EYS: variants seen among roughly 807,000 people sequenced by gnomAD.
EYS encodes the protein protein eyes shut homolog.
EYS carries 250 observed loss-of-function variants against 282.1 expected under a neutral mutation model. The ratio of observed to expected loss-of-function variants is 0.89; its 90% CI spans 0.80 to 0.98. The LOEUF is 0.98. Among genes scored for constraint, EYS ranks in the 50% least tolerant of loss-of-function variants. The pLI is 0.00. For missense variants in EYS, 4,016 were observed against 3,709.0 expected (o/e 1.08, Z -2.15); for synonymous variants, 1,355 against 1,282.9 (o/e 1.06, Z -1.20).
At position 65,655,330 on chromosome 6, in the gene EYS, G is replaced by GA. The variant is rs1767783628; in HGVS notation, c.-447-15439dup. 2.0e-5 allele frequency among the ~76,000 whole-genome samples: 3 copies of GA among 151,476 alleles called. No homozygotes were observed. In the South Asian group the frequency reaches 6.2e-4, roughly 31 times the overall value. Reference sequence around the variant, plus strand: ...AAAGAATATAGTATGAAAATGAGGGGAAAAATAACATCTGTACAATCAAGA... The same window carrying GA: ...AAAGAATATAGTATGAAAATGAGGGGAAAAAATAACATCTGTACAATCAAGA... On this transcript the variant is annotated intron_variant, in intron 1 of 42. Transcript: ENST00000503581.
At chr6:65,457,333 T>C (rs752329268) in intron 5 of EYS, among the ~76,000 whole-genome samples, 3 of 152,044 alleles carry the variant, frequency 2.0e-5, no homozygotes, top group Non-Finnish European at 4.4e-5. Context: ...CTCAGCTAAT[T>C]CTTTTTTTTT....
chr6:65,210,272 CTT>C (rs1298665501), intron 12 of EYS, among the ~76,000 whole-genome samples: 1 of 151,910 alleles, frequency 6.6e-6, no homozygotes, highest in Non-Finnish European at 1.5e-5. Context: ...ATGTTTCAGT[CTT>C]GACTCTTGTG....
At chr6:65,115,494 A>G (rs1201628661) in intron 12 of EYS, among the ~76,000 whole-genome samples, 1 of 152,064 alleles carries the variant, frequency 6.6e-6, no homozygotes, top group Non-Finnish European at 1.5e-5. Context: ...TAACAGACCT[A>G]TCACATGCTT....
At chr6:64,089,428 A>G (rs1302273847) in intron 31 of EYS, among the ~76,000 whole-genome samples, 1 of 149,564 alleles carries the variant, frequency 6.7e-6, no homozygotes, top group African/African-American at 2.4e-5. Context: ...ATTTTCAGTG[A>G]TTACAATTAA....
intron 11 of EYS, among the ~76,000 whole-genome samples, chr6:65,334,288 G>T (rs1028792498): frequency 6.6e-6 from 1 of 151,556 alleles, no homozygotes. Flanking sequence ...TCATGATAGG[G>T]TCTCACTCTG....
chr6:65,213,227 CGAT>C lies in EYS; in HGVS notation c.2023+82633_2023+82635del, dbSNP rs746680773. ...CATGGAAAAGTGGTTCTGACAGAAT[CGAT>C]GAACTGTCATCCGTGTGCGCACCTG... is the stretch of plus-strand genomic sequence containing the variant. On this transcript the variant is annotated intron_variant, in intron 12 of 42. Coordinates refer to ENST00000503581, the MANE Select transcript of EYS (RefSeq NM_001142800.2). Among the ~76,000 whole-genome samples, 4 of 152,124 alleles carry C rather than the reference CGAT, an allele frequency of 2.6e-5. No individual in the cohort carries two copies. In the East Asian group the frequency reaches 7.7e-4, roughly 29 times the overall value.
intron 2 of EYS, among the ~76,000 whole-genome samples, chr6:65,596,305 TG>T (rs1311990458): frequency 6.7e-6 from 1 of 148,408 alleles, no homozygotes; most frequent in Non-Finnish European, 1.5e-5. Context: ...ACACTTCATT[TG>T]GGGATAAATT....
At chr6:65,561,258 T>G (rs1240964603) in intron 2 of EYS, among the ~76,000 whole-genome samples, 3 of 152,120 alleles carry the variant, frequency 2.0e-5, no homozygotes, top group Non-Finnish European at 4.4e-5. Flanking sequence ...TCATGTAAGC[T>G]CTACTATTAA....
intron 31 of EYS, among the ~76,000 whole-genome samples, chr6:64,137,347 A>G (rs1367854305): frequency 1.3e-5 from 2 of 152,122 alleles, no homozygotes; most frequent in African/African-American, 2.4e-5. Context: ...GGGGTGTTCA[A>G]TGGAGTAGCA....
At chr6:65,508,691 TTTC>T (rs1467700499) in intron 2 of EYS, among the ~76,000 whole-genome samples, 2 of 151,404 alleles carry the variant, frequency 1.3e-5, no homozygotes, top group African/African-American at 4.9e-5. Context: ...GAAAGAAATG[TTTC>T]TTCTTATATG....
intron 24 of EYS, among the ~76,000 whole-genome samples, chr6:64,600,710 G>A (rs1766736030): frequency 1.3e-5 from 2 of 152,120 alleles, no homozygotes; most frequent in South Asian, 4.1e-4. Context: ...CCACTGAATG[G>A]CCGGGGCTAA....
In EYS at chr6:65,232,102, A is replaced by G. The variant is rs151232810; in HGVS notation, c.2023+63761T>C. ...TAGAAGATATGATACATTATATTAT[A>G]TACAGTTTCTTCAGCCTTCTCTTTT... On this transcript the variant is annotated intron_variant, in intron 12 of 42. Coordinates refer to ENST00000503581, the MANE Select transcript of EYS (RefSeq NM_001142800.2). 9.7e-4 allele frequency among the ~76,000 whole-genome samples: 147 copies of G among 152,176 alleles called. 1 individual carries two copies. Among genetic ancestry groups the G allele is most frequent in the African/African-American group, 3.4e-3 (140 of 41,566 alleles).
intron 36 of EYS, among the ~76,000 whole-genome samples, chr6:63,844,779 A>G (rs1362933740): frequency 2.6e-5 from 4 of 152,202 alleles, no homozygotes; most frequent in South Asian, 4.1e-4. Flanking sequence ...AGATGGATAG[A>G]TTGCAAAAAT....
chr6:64,567,765 C>T (rs531623113), intron 26 of EYS, among the ~76,000 whole-genome samples: 89 of 152,128 alleles, frequency 5.9e-4, no homozygotes, highest in African/African-American at 2.0e-3. Context: ...TTTACAAAAG[C>T]GGTATCTTAA....
chr6:65,096,927 C>T (rs1774756377), intron 12 of EYS, among the ~76,000 whole-genome samples: 1 of 150,910 alleles, frequency 6.6e-6, no homozygotes, highest in African/African-American at 2.4e-5. Flanking sequence ...AAGCTCTTGA[C>T]ATTGGCCCTA....
chr6:65,065,020 G>T (rs970814692), intron 12 of EYS, among the ~76,000 whole-genome samples: 1 of 152,108 alleles, frequency 6.6e-6, no homozygotes, highest in South Asian at 2.1e-4. Context: ...GTGGCAGGCT[G>T]ACTTGAGATC....
intron 12 of EYS, among the ~76,000 whole-genome samples, chr6:65,209,263 TA>T (rs1204175592): frequency 1.3e-5 from 2 of 151,652 alleles, no homozygotes; most frequent in African/African-American, 4.8e-5. Flanking sequence ...TTTTTTTTTT[TA>T]ATTTTTACTT....
chr6:64,920,112 C>G (rs980322530), intron 15 of EYS, among the ~76,000 whole-genome samples: 5 of 151,118 alleles, frequency 3.3e-5, no homozygotes, highest in African/African-American at 1.2e-4. Flanking sequence ...AATACAGAAA[C>G]CATGAGAATG....
chr6:63,889,521 A>G (rs901654530), intron 35 of EYS, among the ~76,000 whole-genome samples: 3 of 152,256 alleles, frequency 2.0e-5, no homozygotes, highest in African/African-American at 7.2e-5. Flanking sequence ...CAGCCAAACT[A>G]TGCTTCATAA....
Sources: gnomAD v4.1 joint callset for allele counts (sites outside exome capture counted in the v4.1 genomes callset) on GRCh38, gnomAD v4.1.1 for gene constraint, MANE v1.5 for transcripts, NCBI Gene and HGNC (gene_info 2026-07-23, HGNC 2026-07-21) for gene names.